SH3KBP1: variants seen among roughly 807,000 people sequenced by gnomAD.
The protein encoded by SH3KBP1 is SH3 domain-containing kinase-binding protein 1.
In SH3KBP1, 8 loss-of-function variants were observed where a neutral mutation model predicts 50.1. The ratio of observed to expected loss-of-function variants is 0.16; its 90% CI spans 0.09 to 0.29. The LOEUF (loss-of-function observed/expected upper bound fraction) is 0.29, where lower values mean the gene tolerates loss of function less well. Ranked by LOEUF, SH3KBP1 falls within the 10% of genes least tolerant of loss-of-function variation. The pLI, the probability that SH3KBP1 is intolerant of heterozygous loss-of-function variation, is 1.00. For synonymous variants in SH3KBP1, 227 were observed against 218.6 expected, an observed-to-expected ratio of 1.04 and a Z score of -0.34; for missense variants, 377 against 535.2, an observed-to-expected ratio of 0.70 and a Z score of 2.92.
At chrX:19,615,472 C>T (rs912580841) in intron 8 of SH3KBP1, among the ~76,000 whole-genome samples, 13 of 111,846 alleles carry the variant, frequency 1.2e-4, no homozygotes, top group African/African-American at 3.9e-4. Flanking sequence ...CCCCAGAGGG[C>T]CTCACACCCT....
In SH3KBP1 at chrX:19,676,463, T is replaced by C. The variant is rs1307182837; in HGVS notation, c.726+7360A>G. Among the ~76,000 whole-genome samples, 3 of 111,564 alleles carry C rather than the reference T, an allele frequency of 2.7e-5. No individual in the cohort carries two copies. In the Admixed American group the frequency reaches 2.9e-4, roughly 11 times the overall value. ...ACAGGATTACTATAGTCAATAATAA[T>C]TGCACATTTTAAAATAACTTAAAGA... On this transcript the variant is annotated intron_variant, in intron 6 of 17. Coordinates refer to ENST00000397821, the MANE Select transcript of SH3KBP1 (RefSeq NM_031892.3).
rs1262481451 is a variant in SH3KBP1 at position 19,746,403 on chromosome X, G to C, written c.201C>G (p.Asn67Lys). ...CGTGCAGGGGCTTTTCTGGAGCTTTGTTGGTGAGAGGGTCTTTCTTCATCT... is the reference window on the plus strand; with the variant it reads ...CGTGCAGGGGCTTTTCTGGAGCTTTCTTGGTGAGAGGGTCTTTCTTCATCT... ...KKEMKKDPLT[N>K]KAPEKPLHEV... The change falls in exon 3 of 18, where the codon AAC becomes AAG. Residue 67 changes from asparagine (N) to lysine (K), a missense_variant. Coordinates refer to ENST00000397821, the MANE Select transcript of SH3KBP1 (RefSeq NM_031892.3). 1 of 1,203,035 alleles carries C rather than the reference G, an allele frequency of 8.3e-7. No homozygotes were observed. Among genetic ancestry groups the C allele is most frequent in the Non-Finnish European group, 1.1e-6 (1 of 891,556 alleles).
chrX:19,727,844 C>T (rs952513396), intron 3 of SH3KBP1, among the ~76,000 whole-genome samples: 15 of 111,295 alleles, frequency 1.3e-4, no homozygotes, highest in Admixed American at 3.8e-4. Flanking sequence ...ACGTGCTGGG[C>T]GCGGTGGAAC....
At chrX:19,872,251 T>TGGGA (rs2069065662) in intron 1 of SH3KBP1, among the ~76,000 whole-genome samples, 1 of 6,359 alleles carries the variant, frequency 1.6e-4, no homozygotes, top group Non-Finnish European at 2.9e-4. Flanking sequence ...AAACTTCATC[T>TGGGA]CAAAAAAAAA....
At chrX:19,766,045 G>C (rs1188313502) in intron 2 of SH3KBP1, among the ~76,000 whole-genome samples, 2 of 111,677 alleles carry the variant, frequency 1.8e-5, no homozygotes, top group Non-Finnish European at 3.8e-5. Context: ...AAAATTGCTA[G>C]ATCATATGGT....
intron 7 of SH3KBP1, among the ~76,000 whole-genome samples, chrX:19,633,459 C>T (rs1048005203): frequency 8.9e-6 from 1 of 111,892 alleles, no homozygotes; most frequent in Non-Finnish European, 1.9e-5. Flanking sequence ...CTCCCCAAAT[C>T]TGAATTGGTC....
intron 2 of SH3KBP1, among the ~76,000 whole-genome samples, chrX:19,820,495 T>C (rs941914920): frequency 4.5e-5 from 5 of 111,931 alleles, no homozygotes; most frequent in African/African-American, 1.6e-4. Flanking sequence ...CTCTCTGGTC[T>C]ACCCTATCTG....
In SH3KBP1 at chrX:19,613,072, G is replaced by C. The variant is rs776763747; in HGVS notation, c.898-5027C>G. Among the ~76,000 whole-genome samples, 19 of 112,385 alleles carry C rather than the reference G, an allele frequency of 1.7e-4. No homozygotes were observed. The South Asian group carries it at 6.6e-3, about 39-fold the overall frequency. The stretch of plus-strand genomic sequence containing the variant: ...CCCACTGAGTGACAGGGGCAGAAAG[G>C]AGGGGCAGGTGATCAACCGCTTGTG... On this transcript the variant is annotated intron_variant, in intron 8 of 17. Coordinates refer to ENST00000397821, the MANE Select transcript of SH3KBP1 (RefSeq NM_031892.3).
At chrX:19,614,571 T>C (rs1417270697) in intron 8 of SH3KBP1, among the ~76,000 whole-genome samples, 1 of 111,719 alleles carries the variant, frequency 9.0e-6, no homozygotes, top group African/African-American at 3.3e-5. Context: ...AATCACAATT[T>C]GGGGGTGGGG....
intron 2 of SH3KBP1, among the ~76,000 whole-genome samples, chrX:19,783,923 C>A (rs2066261558): frequency 9.0e-6 from 1 of 111,630 alleles, no homozygotes; most frequent in East Asian, 2.8e-4. Context: ...CATTAGGGAA[C>A]TCAATTTCCA....
intron 2 of SH3KBP1, among the ~76,000 whole-genome samples, chrX:19,772,803 T>C (rs2065830915): frequency 9.0e-6 from 1 of 111,706 alleles, no homozygotes; most frequent in Non-Finnish European, 1.9e-5. Context: ...AACTTCCAGC[T>C]GGCTCTTCCT....
intron 1 of SH3KBP1, among the ~76,000 whole-genome samples, chrX:19,876,319 C>A (rs1311576419): frequency 8.9e-6 from 1 of 112,026 alleles, no homozygotes; most frequent in African/African-American, 3.2e-5. Flanking sequence ...GGAGATCACA[C>A]CACTGCACTC....
chrX:19,596,583 G>A (rs1288644696), intron 9 of SH3KBP1, among the ~76,000 whole-genome samples: 2 of 111,696 alleles, frequency 1.8e-5, no homozygotes, highest in Non-Finnish European at 3.8e-5. Context: ...TGTATCATGC[G>A]ATGCTGTTTG....
intron 16 of SH3KBP1, among the ~76,000 whole-genome samples, chrX:19,541,443 C>A (rs773088689): frequency 1.8e-5 from 2 of 111,618 alleles, no homozygotes; most frequent in East Asian, 2.8e-4. Context: ...AGTGTAAAAT[C>A]TTGGGCTTCA....
chrX:19,836,155 C>T lies in SH3KBP1; in HGVS notation c.132G>A (p.Arg44=), dbSNP rs1271320617. 1 of 1,208,989 alleles carries T rather than the reference C, an allele frequency of 8.3e-7. No homozygotes were observed. Among genetic ancestry groups the T allele is most frequent in the African/African-American group, 1.8e-5 (1 of 56,896 alleles). ...CAAAGTTGTCAGGGAACAAACCTCT[C>T]CTGCCGTTGATCTGTCCCTCCCACC... The part of the protein sequence containing the change: ...GGWWEGQING[R]RGLFPDNFVR... The change falls in exon 2 of 18, where the codon AGG becomes AGA. Residue 44 remains arginine (R), a synonymous_variant. Transcript: ENST00000397821.
chrX:19,572,326 A>G (rs1375453737), intron 12 of SH3KBP1, among the ~76,000 whole-genome samples: 2 of 105,535 alleles, frequency 1.9e-5, no homozygotes, highest in Non-Finnish European at 3.8e-5. Context: ...TATATAGTAC[A>G]TATATATGTT....
rs73443571 is a variant in SH3KBP1 at position 19,881,487 on chromosome X, C to A, written c.4+5820G>T. ...CATGCTCAGTCTGAGGCGTCTAAGA[C>A]ACACCTGGGTGAAGTTAGCTAGGAG... On this transcript the variant is annotated intron_variant, in intron 1 of 17. Coordinates refer to ENST00000397821, the MANE Select transcript of SH3KBP1 (RefSeq NM_031892.3). 2.6e-3 allele frequency among the ~76,000 whole-genome samples: 289 copies of A among 112,250 alleles called. 1 individual carries two copies. The highest frequency in any genetic ancestry group is 8.9e-3 in the African/African-American group (275 of 30,846).
chrX:19,716,245 T>C (rs1912511769), intron 3 of SH3KBP1, among the ~76,000 whole-genome samples: 1 of 111,999 alleles, frequency 8.9e-6, no homozygotes, highest in East Asian at 2.8e-4. Context: ...AGGAGGACAC[T>C]TCAGAAGCCA....
intron 3 of SH3KBP1, among the ~76,000 whole-genome samples, chrX:19,708,538 A>C (rs2063705245): frequency 9.0e-6 from 1 of 111,551 alleles, no homozygotes; most frequent in African/African-American, 3.3e-5. Flanking sequence ...CAAGGAGGAA[A>C]GTCAGGAGGA....
Sources: allele counts gnomAD v4.1 joint callset (sites outside exome capture counted in the v4.1 genomes callset), GRCh38; gene constraint gnomAD v4.1.1; transcripts MANE v1.5; gene names NCBI Gene and HGNC (gene_info 2026-07-23, HGNC 2026-07-21).